The following DLGAP3 variants were observed in gnomAD, a reference collection of about 807,000 sequenced individuals.
The protein encoded by DLGAP3 is disks large-associated protein 3.
A neutral mutation model predicts 81.2 loss-of-function variants in DLGAP3; 17 were observed. The observed-to-expected ratio is 0.21, with a 90% CI of 0.14 to 0.31. The LOEUF is 0.31. DLGAP3 is among the 10% of genes least tolerant of loss of function. The pLI, the probability that DLGAP3 is intolerant of heterozygous loss-of-function variation, is 1.00. For missense variants in DLGAP3, 1,124 were observed against 1,388.0 expected, an observed-to-expected ratio of 0.81 and a Z score of 3.02; for synonymous variants, 577 against 587.4, an observed-to-expected ratio of 0.98 and a Z score of 0.26.
Position 34,904,727 on chromosome 1 carries a change from G to C in DLGAP3, c.657C>G (p.Pro219=). 1 of 1,612,766 alleles carries C rather than the reference G, an allele frequency of 6.2e-7. No individual in the cohort carries two copies. The highest frequency in any genetic ancestry group is 1.3e-5 in the African/African-American group (1 of 75,068). Residue 219 remains proline, a synonymous_variant, in exon 3 of 12, where the codon CCC becomes CCG. Coordinates refer to ENST00000373347, the MANE Select transcript of DLGAP3 (RefSeq NM_001080418.3). This position sits in a 1 kb window ranked among gnomAD's most constrained non-coding sequence, Gnocchi z 8.1. ...GGTGATGGTGGTGATGGGAGGTGTG[G>C]GGGCCTCCAGAGCCCGGGCCGGGGT... ...DSYPGPGSGG[P]HTSHHHHHHH... is the part of the protein sequence containing the mutation.
At chr1:34,923,082 C>T (rs374853464) in intron 1 of DLGAP3, among the ~76,000 whole-genome samples, 189 of 152,100 alleles carry the variant, frequency 1.2e-3, no homozygotes, top group Admixed American at 4.8e-3. Context: ...AGGAGACAAT[C>T]CCCCCGTATA....
At chr1:34,871,383 C>A (rs1396602954) in intron 8 of DLGAP3, among the ~76,000 whole-genome samples, 1 of 152,176 alleles carries the variant, frequency 6.6e-6, no homozygotes, top group Non-Finnish European at 1.5e-5. Context: ...TCCTTAAGTC[C>A]TGTTTTACCT....
intron 1 of DLGAP3, among the ~76,000 whole-genome samples, chr1:34,916,861 A>G (rs1639726538): frequency 6.6e-6 from 1 of 151,930 alleles, no homozygotes; most frequent in South Asian, 2.1e-4. Context: ...ACGTCTGGCT[A>G]ATTCTTTTTT....
At chr1:34,905,464 A>C (rs1416909770) in intron 2 of DLGAP3, 30 bp from the exon 3 acceptor site, 1 of 1,435,562 alleles carries the variant, frequency 7.0e-7, no homozygotes, top group Non-Finnish European at 9.4e-7. Flanking sequence ...AGGTATTTGA[A>C]TTGAACAGCC....
At chr1:34,893,173 C>T (rs1171154405) in intron 5 of DLGAP3, among the ~76,000 whole-genome samples, 39 of 94,748 alleles carry the variant, frequency 4.1e-4, no homozygotes, top group African/African-American at 1.3e-3. Context: ...AGCGAGACTC[C>T]GTCTCAAAAA....
rs993104722 is a variant in DLGAP3, at chr1:34,904,330, C to T, written c.1054G>A (p.Gly352Arg). Residue 352 changes from glycine (G) to arginine (R), a missense_variant, in exon 3 of 12, where the codon GGG (glycine) becomes AGG (arginine). Physicochemically the swap from Gly to Arg is moderately radical, Grantham distance 125. Around this residue, in one of 9 missense-constraint regions of DLGAP3, gnomAD observed 357 missense variants for 408.8 expected, o/e 0.87. Coordinates refer to ENST00000373347, the MANE Select transcript of DLGAP3 (RefSeq NM_001080418.3). This position sits in a 1 kb window ranked among gnomAD's most constrained non-coding sequence, Gnocchi z 8.1. ...GCCTTGGTCTCCGGACCCAGGAGCC[C>T]CTTGCCTGGCCCGGCCCCCGGGTAT... ...DGYPGAGPGK[G>R]LLGPETKAKA... 3 of 1,611,008 alleles carry T rather than the reference C, an allele frequency of 1.9e-6. No homozygotes were observed. The highest frequency in any genetic ancestry group is 2.7e-5 in the African/African-American group (2 of 75,074).
intron 5 of DLGAP3, among the ~76,000 whole-genome samples, chr1:34,889,696 C>A (rs1452050917): frequency 6.6e-6 from 1 of 152,174 alleles, no homozygotes; most frequent in East Asian, 1.9e-4. Context: ...TTTAGATAAC[C>A]TTTAGAAAAC....
chr1:34,886,853 A>G (rs1192250067), intron 5 of DLGAP3, among the ~76,000 whole-genome samples: 1 of 150,148 alleles, frequency 6.7e-6, no homozygotes, highest in African/African-American at 2.4e-5. Context: ...CTATATATAT[A>G]TAAAATACCA....
intron 5 of DLGAP3, among the ~76,000 whole-genome samples, chr1:34,894,928 G>T (rs1639361194): frequency 6.6e-6 from 1 of 152,172 alleles, no homozygotes; most frequent in African/African-American, 2.4e-5. Context: ...GGAAATTAAA[G>T]TGTCCTAAGA....
In DLGAP3 at chr1:34,909,952, G is replaced by T. The variant is rs1639614605; in HGVS notation, c.-134-2515C>A. On this transcript the variant is annotated intron_variant, in intron 1 of 11. Transcript: ENST00000373347. ...CCTCCTTTGTAACTAGAGGCCACATGATTCCATTTTGGCTAATGATATACA... is the reference window on the plus strand; with the variant it reads ...CCTCCTTTGTAACTAGAGGCCACATTATTCCATTTTGGCTAATGATATACA... 2.0e-5 allele frequency among the ~76,000 whole-genome samples: 3 copies of T among 152,152 alleles called. No homozygotes were observed. The South Asian group carries it at 6.2e-4, about 32-fold the overall frequency.
chr1:34,918,131 T>G (rs748541554), intron 1 of DLGAP3, among the ~76,000 whole-genome samples: 9 of 151,928 alleles, frequency 5.9e-5, no homozygotes, highest in Non-Finnish European at 7.4e-5. Context: ...CAGCCAGGCA[T>G]ACAGACAGAC....
In DLGAP3 at chr1:34,913,333, T is replaced by A. The variant is rs4652869; in HGVS notation, c.-134-5896A>T. Among the ~76,000 whole-genome samples the A allele has an allele frequency of 2.6e-5, 4 of 152,116 alleles. No homozygotes were observed. The South Asian group carries it at 8.3e-4, about 32-fold the overall frequency. On this transcript the variant is annotated intron_variant, in intron 1 of 11. Coordinates refer to ENST00000373347, the MANE Select transcript of DLGAP3 (RefSeq NM_001080418.3). ...CTGACCCACTGGACGGTGCTCGGCC[T>A]GTGAATAACCCACACTACCTATAAT...
rs1639923952 is a variant in DLGAP3 at position 34,929,493 on chromosome 1, G to T, written c.-177C>A. ...CCGGCCGGGTTACATGGTGCCGGCGGCCCGGGCCGGGGGCGCTGCGGCGTT... is the reference window on the plus strand; with the variant it reads ...CCGGCCGGGTTACATGGTGCCGGCGTCCCGGGCCGGGGGCGCTGCGGCGTT... On this transcript the variant is annotated 5_prime_UTR_variant, in exon 1 of 12. Transcript: ENST00000373347. The surrounding 1 kb of genome is among the most constrained non-coding windows in gnomAD (Gnocchi z 6.5). 6.7e-6 allele frequency: 1 copy of T among 148,634 alleles called. No individual in the cohort carries two copies. 9.2% of individuals were successfully genotyped at this position (148,634 alleles called of 1,614,324 possible).
In DLGAP3 at chr1:34,899,828, A is replaced by AG. The variant is rs1315972799; in HGVS notation, c.1314-88dup. 20 of 1,288,698 alleles carry AG rather than the reference A, an allele frequency of 1.6e-5. No homozygotes were observed. The East Asian group carries it at 3.0e-4, about 19-fold the overall frequency. The allele number at this position is 1,288,698 out of a possible 1,614,324, so 79.8% of individuals were successfully genotyped here. A position where few individuals can be genotyped will look rare whatever the true frequency, so the allele number is the denominator to read the frequency against. On this transcript the variant is annotated intron_variant, in intron 4 of 11. Coordinates refer to ENST00000373347, the MANE Select transcript of DLGAP3 (RefSeq NM_001080418.3). ...ATAATAGCACTGGGGCCCCTGAGTA[A>AG]GTCCTATTCCTCAGAACCCCCAAAG...
chr1:34,887,441 AAAAC>A (rs1438940320), intron 5 of DLGAP3, among the ~76,000 whole-genome samples: 2 of 152,210 alleles, frequency 1.3e-5, no homozygotes, highest in Non-Finnish European at 2.9e-5. Context: ...GAAAAAAAGC[AAAAC>A]AAAAATTTTG....
intron 6 of DLGAP3, 22 bp downstream of exon 6, chr1:34,886,049 CA>C: frequency 5.7e-6 from 9 of 1,579,028 alleles, no homozygotes; most frequent in Non-Finnish European, 7.7e-6. Flanking sequence ...AGGGCCGGGC[CA>C]GGGGCAGGAA....
intron 1 of DLGAP3, among the ~76,000 whole-genome samples, chr1:34,925,091 C>T (rs555440045): frequency 6.6e-6 from 1 of 152,140 alleles, no homozygotes. Context: ...CAGGAAGGAA[C>T]AGGTTTACCC....
Position 34,886,197 on chromosome 1 carries a change from A to G in DLGAP3, c.1475T>C (p.Leu492Pro). The G allele has an allele frequency of 6.2e-7, 1 of 1,611,516 alleles. No individual in the cohort carries two copies. The highest frequency in any genetic ancestry group is 8.5e-7 in the Non-Finnish European group (1 of 1,179,402). ...GCTCCGCATGCGGAAACAGCCGGGCAGGTCCAGGGCGTCCACGGCCTGGGA... is the reference window on the plus strand; with the variant it reads ...GCTCCGCATGCGGAAACAGCCGGGCGGGTCCAGGGCGTCCACGGCCTGGGA... ...LESQAVDALD[L>P]PGCFRMRSHS... Residue 492 changes from leucine to proline, a missense_variant, in exon 6 of 12, where the codon CTG becomes CCG. Coordinates refer to ENST00000373347, the MANE Select transcript of DLGAP3 (RefSeq NM_001080418.3).
Position 34,906,016 on chromosome 1 carries a change from T to TTTTATATATATA in DLGAP3, c.-51-583_-51-582insTATATATATAAA, listed in dbSNP as rs60469155. Among the ~76,000 whole-genome samples the TTTTATATATATA allele has an allele frequency of 1.5e-4, 10 of 64,804 alleles. 1 individual carries two copies. Among genetic ancestry groups the TTTTATATATATA allele is most frequent in the African/African-American group, 4.2e-4 (9 of 21,596 alleles). The allele number at this position is 64,804 out of a possible 152,430, so 42.5% of individuals were successfully genotyped here. A position where few individuals can be genotyped will look rare whatever the true frequency, so the allele number is the denominator to read the frequency against. On this transcript the variant is annotated intron_variant, in intron 2 of 11. Transcript: ENST00000373347. The stretch of plus-strand genomic sequence containing the variant: ...ACAGAGCGAGACCTGGCCTCTAAAT[T>TTTTATATATATA]TATATATATATATATATTTGTTTGT...
Sources: allele counts gnomAD v4.1 joint callset (sites outside exome capture counted in the v4.1 genomes callset), GRCh38; gene constraint gnomAD v4.1.1; regional missense constraint gnomAD v4.1.1; non-coding constraint Gnocchi (gnomAD v3.1); transcripts MANE v1.5; gene names NCBI Gene and HGNC (gene_info 2026-07-23, HGNC 2026-07-21).